ASB4: variants seen among roughly 807,000 people sequenced by gnomAD.
ASB4 encodes the protein ankyrin repeat and SOCS box containing 4.
Under a neutral mutation model 38.6 loss-of-function variants are expected in ASB4, and 35 were observed. That is an observed-to-expected ratio of 0.91 (90% CI 0.69 to 1.20). ASB4 has a LOEUF of 1.20. Among genes scored for constraint, ASB4 ranks in the 50% most tolerant of loss-of-function variants. ASB4 has a pLI of 0.00. For missense variants in ASB4, 557 were observed against 527.2 expected, an observed-to-expected ratio of 1.06 and a Z score of -0.55; for synonymous variants, 195 against 201.3, an observed-to-expected ratio of 0.97 and a Z score of 0.26.
the ASB4 span, among the ~76,000 whole-genome samples, chr7:95,549,388 C>T: frequency 3.4e-5 from 5 of 148,226 alleles, no homozygotes; most frequent in East Asian, 6.1e-4. Context: ...GCTCCGCCTC[C>T]CGGGTTCACC....
intron 3 of ASB4, 87 bp downstream of exon 3, chr7:95,528,390 A>G: frequency 6.3e-7 from 1 of 1,591,048 alleles, no homozygotes; most frequent in Non-Finnish European, 8.5e-7. Context: ...AGCTTGCTTG[A>G]GGCTTGAGTC....
Position 95,486,125 on chromosome 7 carries a change from G to T in ASB4, c.154G>T (p.Asp52Tyr). Reference protein sequence around the residue: ...IDVDTVFEVEDENMVLASYKQ... With the variant: ...IDVDTVFEVEYENMVLASYKQ... Reference sequence around the variant, plus strand: ...TGTGGACACTGTTTTTGAAGTCGAAGATGAGAATATGGTTTTGGCATCTTA... The same window carrying T: ...TGTGGACACTGTTTTTGAAGTCGAATATGAGAATATGGTTTTGGCATCTTA... Residue 52 changes from aspartate (D) to tyrosine (Y), a missense_variant, in exon 1 of 5, where the codon GAT becomes TAT. Transcript: ENST00000325885. 1 of 1,614,072 alleles carries T rather than the reference G, an allele frequency of 6.2e-7. No individual in the cohort carries two copies. Among genetic ancestry groups the T allele is most frequent in the Non-Finnish European group, 8.5e-7 (1 of 1,179,962 alleles).
chr7:95,527,959 C>G lies in ASB4; in HGVS notation c.634C>G (p.Leu212Val), dbSNP rs375120035. Residue 212 changes from leucine to valine, a missense_variant, in exon 3 of 5, where the codon CTG becomes GTG. By Grantham distance (32) the Leu-to-Val change is conservative. Transcript: ENST00000325885. ...DSVNAHMETP[L>V]AIAAYWALRF... ...CGTGAATGCCCACATGGAGACCCCC[C>G]TGGCCATCGCCGCCTACTGGGCCCT... 5 of 1,614,158 alleles carry G rather than the reference C, an allele frequency of 3.1e-6. No individual in the cohort carries two copies. The highest frequency in any genetic ancestry group is 4.2e-6 in the Non-Finnish European group (5 of 1,180,034).
intron 2 of ASB4, among the ~76,000 whole-genome samples, chr7:95,504,773 G>A (rs1790385461): frequency 1.3e-5 from 2 of 152,276 alleles, no homozygotes; most frequent in South Asian, 4.1e-4. Context: ...GAGACCCTCT[G>A]TTCTCAGATG....
At chr7:95,500,036 C>G (rs189581260) in intron 2 of ASB4, among the ~76,000 whole-genome samples, 1 of 151,662 alleles carries the variant, frequency 6.6e-6, no homozygotes, top group East Asian at 1.9e-4. Flanking sequence ...AGAAGCGGGA[C>G]AAAGTAAAAG....
rs747581279 is a variant in ASB4 at position 95,528,198 on chromosome 7, C to T, written c.873C>T (p.Tyr291=). Residue 291 remains tyrosine (Y), a synonymous_variant, in exon 3 of 5, where the codon TAC becomes TAT. Transcript: ENST00000325885. ...MDINGCAAIQ[Y]VLKVTSVRPA... ...TCAACGGCTGTGCTGCCATCCAGTA[C>T]GTGCTGAAGGTCACCTCCGTGCGCC... 3.1e-6 allele frequency: 5 copies of T among 1,614,084 alleles called. No individual in the cohort carries two copies. Among genetic ancestry groups the T allele is most frequent in the Non-Finnish European group, 3.4e-6 (4 of 1,180,036 alleles).
At chr7:95,550,747 T>C in the ASB4 span, among the ~76,000 whole-genome samples, 1 of 152,192 alleles carries the variant, frequency 6.6e-6, no homozygotes, top group Admixed American at 6.5e-5. Context: ...GTCTGAGTTG[T>C]TGCTGTTCCT....
intron 1 of ASB4, among the ~76,000 whole-genome samples, chr7:95,491,933 C>A (rs28618177): frequency 0.013 from 2,035 of 152,286 alleles, 49 homozygotes; most frequent in African/African-American, 0.047. Context: ...ATTCAAAAAT[C>A]CCTAGCCCCA....
the ASB4 span, among the ~76,000 whole-genome samples, chr7:95,547,984 G>T: frequency 2.0e-5 from 3 of 152,126 alleles, no homozygotes; most frequent in Admixed American, 2.0e-4. Flanking sequence ...TAACCTACGG[G>T]TTCTGTTTCT....
Position 95,537,651 on chromosome 7 carries a change from C to T in ASB4, c.1173C>T (p.Ala391=). The change falls in exon 5 of 5, where the codon GCC becomes GCT. Residue 391 remains alanine (A), a synonymous_variant. Coordinates refer to ENST00000325885, the MANE Select transcript of ASB4 (RefSeq NM_016116.3). ...CTCTCATGCACTTATCGAGATGTGC[C>T]ATTAGAAGAACATTACACAACAGAT... ...PRTLMHLSRC[A]IRRTLHNRCH... 6.2e-7 allele frequency: 1 copy of T among 1,613,584 alleles called. No individual in the cohort carries two copies. Among genetic ancestry groups the T allele is most frequent in the Non-Finnish European group, 8.5e-7 (1 of 1,179,578 alleles).
chr7:95,536,087 A>G (rs1790886048), intron 3 of ASB4, among the ~76,000 whole-genome samples: 1 of 152,178 alleles, frequency 6.6e-6, no homozygotes, highest in East Asian at 1.9e-4. Flanking sequence ...TTGCTCGTGG[A>G]AGGTGAAAGA....
downstream of ASB4, chr7:95,544,106 A>C (rs1186388238): frequency 6.6e-6 from 1 of 152,164 alleles, no homozygotes; most frequent in Non-Finnish European, 1.5e-5. Context: ...ATATGGAATA[A>C]TTTACTCTGG....
At position 95,538,618 on chromosome 7, in the gene ASB4, T is replaced by C. The variant is rs1364078325; in HGVS notation, c.*859T>C. On this transcript the variant is annotated 3_prime_UTR_variant, in exon 5 of 5. Coordinates refer to ENST00000325885, the MANE Select transcript of ASB4 (RefSeq NM_016116.3). The stretch of plus-strand genomic sequence containing the variant: ...GAAGTTAAAGAGTGAAGGGGTTATG[T>C]AAAGTAGAGGGATCTCCTGCTCTTG... 6.6e-6 allele frequency: 1 copy of C among 152,218 alleles called. No individual in the cohort carries two copies. The highest frequency in any genetic ancestry group is 1.5e-5 in the Non-Finnish European group (1 of 68,046). The allele number at this position is 152,218 out of a possible 1,614,324, so 9.4% of individuals were successfully genotyped here. A position where few individuals can be genotyped will look rare whatever the true frequency, so the allele number is the denominator to read the frequency against.
intron 2 of ASB4, among the ~76,000 whole-genome samples, chr7:95,509,882 A>G (rs1412010843): frequency 6.6e-6 from 1 of 152,198 alleles, no homozygotes; most frequent in Non-Finnish European, 1.5e-5. Context: ...ATCAGGCCTC[A>G]GTACAAAGCT....
At chr7:95,528,589 G>A (rs559877873) in intron 3 of ASB4, 185 of 1,380,084 alleles carry the variant, frequency 1.3e-4, no homozygotes, top group Non-Finnish European at 1.7e-4. Context: ...AGGGACTGAG[G>A]TAAGTCTGCC....
At chr7:95,507,175 T>A (rs1403916936) in intron 2 of ASB4, among the ~76,000 whole-genome samples, 3 of 152,150 alleles carry the variant, frequency 2.0e-5, no homozygotes, top group African/African-American at 7.2e-5. Context: ...GGTATCTGGC[T>A]GCACCTTTCA....
intron 2 of ASB4, among the ~76,000 whole-genome samples, chr7:95,497,789 G>C (rs1790272840): frequency 6.6e-6 from 1 of 152,136 alleles, no homozygotes; most frequent in East Asian, 1.9e-4. Flanking sequence ...AAATATGTAG[G>C]CTTCTGAGTC....
At chr7:95,543,767 T>C (rs1790999536), downstream of ASB4, 1 of 152,178 alleles carries the variant, frequency 6.6e-6, no homozygotes, top group African/African-American at 2.4e-5. Context: ...AGGATGAGGT[T>C]GGAAGAGCTG....
At chr7:95,549,786 T>G in the ASB4 span, among the ~76,000 whole-genome samples, 6 of 152,186 alleles carry the variant, frequency 3.9e-5, no homozygotes, top group Non-Finnish European at 1.5e-5. Flanking sequence ...ACCCCTTTTC[T>G]GTTTACTGGA....
Sources: allele counts gnomAD v4.1 joint callset (sites outside exome capture counted in the v4.1 genomes callset), GRCh38; gene constraint gnomAD v4.1.1; transcripts MANE v1.5; gene names NCBI Gene and HGNC (gene_info 2026-07-23, HGNC 2026-07-21).